Variants in PTPRD observed in about 807,000 individuals in gnomAD.
PTPRD encodes the protein receptor-type tyrosine-protein phosphatase delta.
In PTPRD, 34 loss-of-function variants were observed where a neutral mutation model predicts 214.5. The ratio of observed to expected loss-of-function variants is 0.16; its 90% confidence interval spans 0.12 to 0.21. The LOEUF (loss-of-function observed/expected upper bound fraction) is 0.21. Among genes scored for constraint, PTPRD ranks in the 10% least tolerant of loss-of-function variants. The pLI, the probability that PTPRD is intolerant of heterozygous loss-of-function variation, is 1.00. For synonymous variants in PTPRD, 1,128 were observed against 845.7 expected, an observed-to-expected ratio of 1.33 and a Z score of -5.79; for missense variants, 2,545 against 2,398.7, an observed-to-expected ratio of 1.06 and a Z score of -1.27.
At chr9:10,600,875 T>C (rs1256137101) in intron 2 of PTPRD, among the ~76,000 whole-genome samples, 6 of 151,894 alleles carry the variant, frequency 4.0e-5, no homozygotes, top group Non-Finnish European at 5.9e-5. Flanking sequence ...AGAAAATGCA[T>C]ATAATATTAC....
intron 10 of PTPRD, among the ~76,000 whole-genome samples, chr9:9,066,812 G>A (rs1039523565): frequency 6.6e-6 from 1 of 152,248 alleles, no homozygotes; most frequent in Non-Finnish European, 1.5e-5. Context: ...ACTTTGCGAA[G>A]CAGTGTGATC....
At chr9:9,894,082 G>T (rs148856364) in intron 5 of PTPRD, among the ~76,000 whole-genome samples, 1 of 151,912 alleles carries the variant, frequency 6.6e-6, no homozygotes, top group Admixed American at 6.6e-5. Context: ...GCCTCCTAAC[G>T]CTGTGGAATT....
Position 9,147,428 on chromosome 9 carries a change from A to G in PTPRD, c.-143+35876T>C, listed in dbSNP as rs949143111. Among the ~76,000 whole-genome samples the G allele has an allele frequency of 3.3e-5, 5 of 152,014 alleles. No homozygotes were observed. The South Asian group carries it at 1.0e-3, about 31-fold the overall frequency. On this transcript the variant is annotated intron_variant, in intron 10 of 45. Coordinates refer to ENST00000381196, the MANE Select transcript of PTPRD (RefSeq NM_002839.4). Reference sequence around the variant, plus strand: ...TTATTTGGCACTTACCATAAATTTTACTACTGAAGCTTCTACTTATTCTCT... The same window carrying G: ...TTATTTGGCACTTACCATAAATTTTGCTACTGAAGCTTCTACTTATTCTCT...
intron 5 of PTPRD, among the ~76,000 whole-genome samples, chr9:9,874,836 G>A (rs1371338203): frequency 2.0e-5 from 3 of 152,056 alleles, no homozygotes. Flanking sequence ...TTGTGTCCAG[G>A]GAATTTGAGA....
intron 5 of PTPRD, among the ~76,000 whole-genome samples, chr9:9,796,213 G>A (rs2099001449): frequency 6.6e-6 from 1 of 152,184 alleles, no homozygotes; most frequent in Non-Finnish European, 1.5e-5. Context: ...AGAAGAAGAA[G>A]AAAAGGAGGC....
chr9:9,265,198 A>G lies in PTPRD; in HGVS notation c.-202-81835T>C, dbSNP rs1938707123. On this transcript the variant is annotated intron_variant, in intron 9 of 45. Transcript: ENST00000381196. The stretch of plus-strand genomic sequence containing the variant: ...ACTTTAGTATAAAAGGTAAAAGACA[A>G]AAATATTGAAAATAAATATAGCTAC... Among the ~76,000 whole-genome samples, 4 of 151,816 alleles carry G rather than the reference A, an allele frequency of 2.6e-5. No individual in the cohort carries two copies. The South Asian group carries it at 6.2e-4, about 24-fold the overall frequency.
At chr9:9,668,691 T>C (rs938934755) in intron 7 of PTPRD, among the ~76,000 whole-genome samples, 1 of 152,188 alleles carries the variant, frequency 6.6e-6, no homozygotes, top group Non-Finnish European at 1.5e-5. Flanking sequence ...CTTTTACCTA[T>C]TTATTTTTAT....
chr9:9,653,803 T>C (rs2096439875), intron 7 of PTPRD, among the ~76,000 whole-genome samples: 1 of 152,240 alleles, frequency 6.6e-6, no homozygotes, highest in Admixed American at 6.5e-5. Context: ...TGATGGACTA[T>C]TAACTAAGGA....
intron 5 of PTPRD, among the ~76,000 whole-genome samples, chr9:9,889,743 C>G (rs2072508259): frequency 6.6e-6 from 1 of 151,910 alleles, no homozygotes; most frequent in African/African-American, 2.4e-5. Context: ...GATAGAGGTC[C>G]TCTCTTCCTG....
chr9:8,675,825 A>G (rs769089791), intron 12 of PTPRD, among the ~76,000 whole-genome samples: 17 of 152,144 alleles, frequency 1.1e-4, no homozygotes, highest in Non-Finnish European at 2.1e-4. Flanking sequence ...CAACTTATCT[A>G]TATTTACAGT....
intron 7 of PTPRD, among the ~76,000 whole-genome samples, chr9:9,577,331 A>C (rs2089220967): frequency 6.6e-6 from 1 of 152,170 alleles, no homozygotes; most frequent in Admixed American, 6.5e-5. Context: ...TGGGAGGCTG[A>C]GGCAAGCAGA....
intron 12 of PTPRD, among the ~76,000 whole-genome samples, chr9:8,675,251 A>G (rs886242817): frequency 6.6e-6 from 1 of 152,058 alleles, no homozygotes; most frequent in African/African-American, 2.4e-5. Flanking sequence ...CTAAGCCTCT[A>G]GTTCCTCAAG....
At chr9:8,929,805 A>ATGGG (rs2098935331) in intron 11 of PTPRD, among the ~76,000 whole-genome samples, 1 of 100,154 alleles carries the variant, frequency 1.0e-5, no homozygotes, top group African/African-American at 4.0e-5. Context: ...GTGTGTATAT[A>ATGGG]TGTGTATATA....
rs530038437 is a variant in PTPRD at position 9,028,963 on chromosome 9, G to A, written c.-142-10228C>T. Reference sequence around the variant, plus strand: ...GGCATAGAGTATTTTGTAGAGCTGCGTTGTCCAATATGGTAGCCACTAGTC... The same window carrying A: ...GGCATAGAGTATTTTGTAGAGCTGCATTGTCCAATATGGTAGCCACTAGTC... On this transcript the variant is annotated intron_variant, in intron 10 of 45. Transcript: ENST00000381196. 6.1e-4 allele frequency among the ~76,000 whole-genome samples: 93 copies of A among 151,962 alleles called. 1 individual carries two copies. Among genetic ancestry groups the A allele is most frequent in the African/African-American group, 2.0e-3 (81 of 41,490 alleles).
At chr9:8,547,971 T>C (rs1433497502) in intron 14 of PTPRD, among the ~76,000 whole-genome samples, 1 of 152,172 alleles carries the variant, frequency 6.6e-6, no homozygotes, top group African/African-American at 2.4e-5. Context: ...AACAGTCCCT[T>C]AAAAGTTGTA....
rs557250500 is a variant in PTPRD at position 8,905,736 on chromosome 9, C to T, written c.-104+112961G>A. 4.1e-5 allele frequency among the ~76,000 whole-genome samples: 5 copies of T among 122,116 alleles called. No homozygotes were observed. The East Asian group carries it at 8.4e-4, about 21-fold the overall frequency. The allele number at this position is 122,116 out of a possible 152,430, so 80.1% of individuals were successfully genotyped here. A position where few individuals can be genotyped will look rare whatever the true frequency, so the allele number is the denominator to read the frequency against. ...CCTGGGAGACAGAGTGAGACTCCCT[C>T]GCAAAAAAAAAAAAAAAAATGGAGA... On this transcript the variant is annotated intron_variant, in intron 11 of 45. Coordinates refer to ENST00000381196, the MANE Select transcript of PTPRD (RefSeq NM_002839.4).
intron 11 of PTPRD, among the ~76,000 whole-genome samples, chr9:8,817,514 C>T (rs865913546): frequency 6.6e-6 from 1 of 151,980 alleles, no homozygotes; most frequent in African/African-American, 2.4e-5. Flanking sequence ...GTAGTGCCAG[C>T]CAGCTCCTTG....
chr9:8,542,734 C>T (rs1323835787), intron 14 of PTPRD, among the ~76,000 whole-genome samples: 2 of 152,226 alleles, frequency 1.3e-5, no homozygotes, highest in East Asian at 1.9e-4. Context: ...GCTCGTAGAG[C>T]AAGCCGTTTG....
chr9:8,383,066 T>A (rs1473102024), intron 37 of PTPRD, among the ~76,000 whole-genome samples: 1 of 152,228 alleles, frequency 6.6e-6, no homozygotes, highest in Non-Finnish European at 1.5e-5. Context: ...GCACTGCCAT[T>A]TATAATCTTC....
Sources: gnomAD v4.1 joint callset for allele counts (sites outside exome capture counted in the v4.1 genomes callset) on GRCh38, gnomAD v4.1.1 for gene constraint, MANE v1.5 for transcripts, NCBI Gene and HGNC (gene_info 2026-07-23, HGNC 2026-07-21) for gene names.